Variants in AUTS2 observed in about 807,000 individuals in gnomAD.
AUTS2 encodes activator of transcription and developmental regulator AUTS2, also known as autism susceptibility gene 2 protein.
AUTS2 carries 17 observed loss-of-function variants against 112.4 expected under a neutral mutation model. The ratio of observed to expected loss-of-function variants is 0.15; its 90% CI spans 0.10 to 0.23. The LOEUF (loss-of-function observed/expected upper bound fraction) is 0.23. Among genes scored for constraint, AUTS2 ranks in the 10% least tolerant of loss-of-function variants. The pLI is 1.00. For synonymous variants in AUTS2, 751 were observed against 702.7 expected, an observed-to-expected ratio of 1.07 and a Z score of -1.09; for missense variants, 1,510 against 1,701.6, an observed-to-expected ratio of 0.89 and a Z score of 1.98.
At chr7:69,770,054 T>C (rs1788595361) in intron 1 of AUTS2, among the ~76,000 whole-genome samples, 1 of 152,186 alleles carries the variant, frequency 6.6e-6, no homozygotes, top group South Asian at 2.1e-4. Flanking sequence ...AGATGGTTGG[T>C]ATAGTGAAAC....
intron 5 of AUTS2, among the ~76,000 whole-genome samples, chr7:70,561,420 CT>C (rs1207847782): frequency 3.9e-5 from 6 of 152,186 alleles, no homozygotes; most frequent in African/African-American, 1.4e-4. Context: ...AGGCCAAGAG[CT>C]TGAGGCCAGT....
chr7:69,960,936 A>G (rs1231029489), intron 2 of AUTS2, among the ~76,000 whole-genome samples: 1 of 152,086 alleles, frequency 6.6e-6, no homozygotes, highest in Non-Finnish European at 1.5e-5. Flanking sequence ...AGAGGAGGTC[A>G]TAAGTCATTT....
At chr7:70,314,557 A>C (rs1232493973) in intron 4 of AUTS2, among the ~76,000 whole-genome samples, 1 of 152,178 alleles carries the variant, frequency 6.6e-6, no homozygotes, top group Non-Finnish European at 1.5e-5. Flanking sequence ...CCCTGGTGCC[A>C]AGTGTTTGCT....
chr7:70,118,611 T>G (rs1805516661), intron 3 of AUTS2: 1 of 155,396 alleles, frequency 6.4e-6, no homozygotes, highest in South Asian at 2.0e-4. Context: ...AAACCCTATC[T>G]CTACTAAAAA....
chr7:69,636,476 C>CCA, intron 1 of AUTS2, among the ~76,000 whole-genome samples: 1 of 58,486 alleles, frequency 1.7e-5, no homozygotes, highest in African/African-American at 7.6e-5. Context: ...CTCAAGTGAT[C>CCA]CGCGCCCCCC....
At chr7:70,111,005 G>A (rs1422403189) in intron 2 of AUTS2, among the ~76,000 whole-genome samples, 2 of 151,570 alleles carry the variant, frequency 1.3e-5, no homozygotes, top group African/African-American at 2.4e-5. Context: ...ACCTCGAGTA[G>A]CTGGGACTAC....
intron 1 of AUTS2, among the ~76,000 whole-genome samples, chr7:69,888,538 G>GGGAT (rs1171693412): frequency 5.4e-4 from 37 of 68,844 alleles, no homozygotes; most frequent in Non-Finnish European, 8.9e-4. Context: ...TCCAACATTG[G>GGGAT]GGATATATAT....
chr7:70,151,971 G>GT (rs1201663661), intron 4 of AUTS2, among the ~76,000 whole-genome samples: 1 of 152,114 alleles, frequency 6.6e-6, no homozygotes, highest in Non-Finnish European at 1.5e-5. Flanking sequence ...GTGGTATTCC[G>GT]TATGTTCAGA....
intron 4 of AUTS2, among the ~76,000 whole-genome samples, chr7:70,157,296 A>G (rs577332794): frequency 6.6e-6 from 1 of 150,788 alleles, no homozygotes; most frequent in South Asian, 2.1e-4. Flanking sequence ...TGTTTTGTTC[A>G]TGAGACAGGT....
intron 1 of AUTS2, among the ~76,000 whole-genome samples, chr7:69,895,551 C>CCCA (rs1562955715): frequency 6.8e-6 from 1 of 147,414 alleles, no homozygotes; most frequent in African/African-American, 2.5e-5. Context: ...CTTCCCCCCC[C>CCCA]CCGAGTGGAA....
intron 2 of AUTS2, among the ~76,000 whole-genome samples, chr7:70,108,165 TTGA>T (rs1193694278): frequency 6.6e-6 from 1 of 152,136 alleles, no homozygotes; most frequent in East Asian, 1.9e-4. Flanking sequence ...GGGCTTAGTC[TTGA>T]TGAGATTTTA....
chr7:70,156,891 T>TAAAAAAAAAAAAAAA lies in AUTS2; in HGVS notation c.660+22342_660+22356dup, dbSNP rs781281055. ...AGTGAAACCCCATCTCTACTAAAAG[T>TAAAAAAAAAAAAAAA]AAAAAAAAAAAAAAAAAAAAAAAAA... On this transcript the variant is annotated intron_variant, in intron 4 of 18. Transcript: ENST00000342771. Among the ~76,000 whole-genome samples the TAAAAAAAAAAAAAAA allele has an allele frequency of 4.5e-4, 17 of 37,876 alleles. 4 individuals carry two copies. Among genetic ancestry groups the TAAAAAAAAAAAAAAA allele is most frequent in the South Asian group, 1.6e-3 (1 of 610 alleles). 24.8% of individuals were successfully genotyped at this position (37,876 alleles called of 152,430 possible). A position where few individuals can be genotyped will look rare whatever the true frequency, so the allele number is the denominator to read the frequency against.
intron 4 of AUTS2, among the ~76,000 whole-genome samples, chr7:70,232,124 G>A (rs1812087977): frequency 6.6e-6 from 1 of 152,146 alleles, no homozygotes; most frequent in Admixed American, 6.5e-5. Flanking sequence ...TTTAAAATAT[G>A]TCCTCTTTTT....
Position 70,477,679 on chromosome 7 carries a change from G to A in AUTS2, c.690+41898G>A, listed in dbSNP as rs148537211. Among the ~76,000 whole-genome samples, 3 of 152,280 alleles carry A rather than the reference G, an allele frequency of 2.0e-5. No individual in the cohort carries two copies. In the East Asian group the frequency reaches 5.8e-4, roughly 29 times the overall value. On this transcript the variant is annotated intron_variant, in intron 5 of 18. Coordinates refer to ENST00000342771, the MANE Select transcript of AUTS2 (RefSeq NM_015570.4). Reference sequence around the variant, plus strand: ...TGAGCCTATTTATAGGTTTGTGCAAGCTAGGTAAGAATATAGATTAAATCT... The same window carrying A: ...TGAGCCTATTTATAGGTTTGTGCAAACTAGGTAAGAATATAGATTAAATCT...
intron 5 of AUTS2, among the ~76,000 whole-genome samples, chr7:70,463,026 G>C (rs1283747583): frequency 1.3e-5 from 2 of 152,076 alleles, no homozygotes; most frequent in African/African-American, 4.8e-5. Context: ...AACTACCTGA[G>C]CCTAAATTTT....
rs1437802857 is a variant in AUTS2 at position 70,793,210 on chromosome 7, A to T, written c.*2214A>T. The T allele has an allele frequency of 6.6e-6, 1 of 152,196 alleles. No individual in the cohort carries two copies. Among genetic ancestry groups the T allele is most frequent in the East Asian group, 1.9e-4 (1 of 5,200 alleles). 9.4% of individuals were successfully genotyped at this position (152,196 alleles called of 1,614,324 possible). On this transcript the variant is annotated 3_prime_UTR_variant, in exon 19 of 19. Coordinates refer to ENST00000342771, the MANE Select transcript of AUTS2 (RefSeq NM_015570.4). The stretch of plus-strand genomic sequence containing the variant: ...GTTAGCCAGTTGTTTGTGCCTGGCT[A>T]CTTCAAAACTCAGCGAAAGTGTTTG...
chr7:70,321,299 C>T (rs576396972), intron 4 of AUTS2, among the ~76,000 whole-genome samples: 32 of 152,264 alleles, frequency 2.1e-4, no homozygotes, highest in Non-Finnish European at 3.4e-4. Context: ...GAATGTCCTT[C>T]GAAACATCCC....
chr7:69,678,943 G>A (rs952598956), intron 1 of AUTS2, among the ~76,000 whole-genome samples: 1 of 152,182 alleles, frequency 6.6e-6, no homozygotes, highest in Admixed American at 6.6e-5. Context: ...TACTTTTGTG[G>A]GGATGGGAAA....
intron 5 of AUTS2, among the ~76,000 whole-genome samples, chr7:70,580,276 C>A (rs1053605541): frequency 6.6e-6 from 1 of 152,186 alleles, no homozygotes; most frequent in African/African-American, 2.4e-5. Flanking sequence ...ATGTGCCCTG[C>A]GCTGTAGCGT....
Sources: gnomAD v4.1 joint callset for allele counts (sites outside exome capture counted in the v4.1 genomes callset) on GRCh38, gnomAD v4.1.1 for gene constraint, MANE v1.5 for transcripts, NCBI Gene and HGNC (gene_info 2026-07-23, HGNC 2026-07-21) for gene names.